Variants in DMD observed in about 807,000 individuals in gnomAD.
DMD encodes the protein dystrophin.
DMD carries 63 observed loss-of-function variants against 330.1 expected under a neutral mutation model. The observed-to-expected ratio is 0.19, with a 90% CI of 0.16 to 0.24. The LOEUF (loss-of-function observed/expected upper bound fraction) is 0.24, where lower values mean the gene tolerates loss of function less well. Ranked by LOEUF, DMD falls within the 10% of genes least tolerant of loss-of-function variation. The probability of loss-of-function intolerance (pLI) is 1.00; values close to 1 mark genes in which losing one functional copy is unlikely to be tolerated. For synonymous variants in DMD, 1,223 were observed against 959.8 expected (o/e 1.27, Z -5.07); for missense variants, 3,344 against 2,684.1 (o/e 1.25, Z -5.43).
chrX:32,895,185 T>C (rs1454975951), intron 2 of DMD, among the ~76,000 whole-genome samples: 1 of 112,023 alleles, frequency 8.9e-6, no homozygotes, highest in Non-Finnish European at 1.9e-5. Flanking sequence ...TATCGTCCCA[T>C]TGGGGGTTAG....
chrX:32,705,938 G>A (rs1472526916), intron 7 of DMD, among the ~76,000 whole-genome samples: 3 of 109,742 alleles, frequency 2.7e-5, no homozygotes, highest in Non-Finnish European at 3.8e-5. Flanking sequence ...TATGTTTACT[G>A]CAGCACTATT....
chrX:32,482,215 T>C (rs1303346809), intron 21 of DMD, among the ~76,000 whole-genome samples: 1 of 111,788 alleles, frequency 8.9e-6, no homozygotes, highest in Non-Finnish European at 1.9e-5. Context: ...CTAGATGCTG[T>C]GTTTCTATAT....
chrX:31,271,728 T>C (rs982373698), intron 62 of DMD, among the ~76,000 whole-genome samples: 1 of 111,861 alleles, frequency 8.9e-6, no homozygotes, highest in African/African-American at 3.3e-5. Context: ...AATGTCAGCA[T>C]TTGGGTATAC....
intron 43 of DMD, among the ~76,000 whole-genome samples, chrX:32,259,305 T>C (rs11795806): frequency 0.11 from 12,051 of 110,666 alleles, 677 homozygotes; most frequent in Admixed American, 0.16. Flanking sequence ...AAGTGTGAAA[T>C]ATTTTTCATT....
At chrX:32,832,642 T>G (rs2148904504) in intron 4 of DMD, among the ~76,000 whole-genome samples, 1 of 111,740 alleles carries the variant, frequency 8.9e-6, no homozygotes, top group Admixed American at 9.6e-5. Context: ...TTTAAAAAGA[T>G]AAAAAATACA....
At chrX:33,122,312 T>C (rs1004242552) in intron 1 of DMD, among the ~76,000 whole-genome samples, 15 of 112,943 alleles carry the variant, frequency 1.3e-4, no homozygotes, top group East Asian at 5.6e-4. Flanking sequence ...ACTGTCTACA[T>C]TAATGCACAC....
intron 53 of DMD, among the ~76,000 whole-genome samples, chrX:31,669,121 A>T (rs758050588): frequency 8.9e-6 from 1 of 111,927 alleles, no homozygotes; most frequent in African/African-American, 3.2e-5. Context: ...TTGGATATAT[A>T]CCCGGAAGTG....
chrX:31,890,956 T>C (rs780607351), intron 47 of DMD, among the ~76,000 whole-genome samples: 1 of 112,246 alleles, frequency 8.9e-6, no homozygotes, highest in African/African-American at 3.2e-5. Flanking sequence ...ATCTTTTCTA[T>C]GTGTAATATT....
chrX:32,476,492 G>C (rs1412912316), intron 21 of DMD, among the ~76,000 whole-genome samples: 1 of 110,842 alleles, frequency 9.0e-6, no homozygotes, highest in Non-Finnish European at 1.9e-5. Flanking sequence ...TAGTTTGTGA[G>C]GCAAGCTGGA....
intron 50 of DMD, among the ~76,000 whole-genome samples, chrX:31,784,242 C>T (rs751476382): frequency 1.3e-3 from 150 of 111,867 alleles, no homozygotes; most frequent in African/African-American, 4.8e-3. Context: ...TGAAAACATA[C>T]TCAACATCGT....
At chrX:31,492,207 T>C (rs1297957183) in intron 57 of DMD, among the ~76,000 whole-genome samples, 1 of 112,457 alleles carries the variant, frequency 8.9e-6, no homozygotes, top group Non-Finnish European at 1.9e-5. Context: ...AAAACAAAAG[T>C]CCACAAATAT....
chrX:32,515,094 T>A (rs1218107429), intron 18 of DMD, among the ~76,000 whole-genome samples: 1 of 111,199 alleles, frequency 9.0e-6, no homozygotes, highest in Non-Finnish European at 1.9e-5. Flanking sequence ...GTAGTGGGGG[T>A]ACAAAAGAGG....
chrX:31,348,589 C>T lies in DMD; in HGVS notation c.9130G>A (p.Asp3044Asn), dbSNP rs754722195. Residue 3044 changes from aspartate (D) to asparagine (N), a missense_variant, in exon 61 of 79, where the codon GAC (aspartate) becomes AAC (asparagine). Transcript: ENST00000357033. ...AAGTGCTGAGATGCTGGACCAAAGT[C>T]CCTGTGGGCTTCATGCAGCTGCCTG... ...RVRQLHEAHR[D>N]FGPASQHFLS... 1.7e-6 allele frequency: 2 copies of T among 1,209,677 alleles called. No individual in the cohort carries two copies. Among genetic ancestry groups the T allele is most frequent in the African/African-American group, 3.5e-5 (2 of 57,255 alleles).
intron 44 of DMD, among the ~76,000 whole-genome samples, chrX:31,992,449 T>C (rs1211834924): frequency 5.4e-5 from 6 of 111,793 alleles, no homozygotes; most frequent in Non-Finnish European, 1.1e-4. Flanking sequence ...CACTAGATGA[T>C]GATGCTACGT....
intron 1 of DMD, among the ~76,000 whole-genome samples, chrX:33,316,719 C>G (rs1003504587): frequency 9.9e-5 from 11 of 111,176 alleles, no homozygotes; most frequent in African/African-American, 3.6e-4. Context: ...GTCTTCATTA[C>G]TGTAGCTATA....
chrX:32,315,986 T>C (rs1418168001), intron 41 of DMD, among the ~76,000 whole-genome samples: 1 of 111,593 alleles, frequency 9.0e-6, no homozygotes, highest in Non-Finnish European at 1.9e-5. Context: ...TTACAAACTT[T>C]TAAATAATGA....
intron 9 of DMD, among the ~76,000 whole-genome samples, chrX:32,659,289 CTTTA>C (rs1455457120): frequency 2.7e-5 from 3 of 111,770 alleles, no homozygotes; most frequent in Admixed American, 9.5e-5. Context: ...TGTGCTTTCT[CTTTA>C]TTTATGTTAC....
intron 44 of DMD, among the ~76,000 whole-genome samples, chrX:32,006,959 A>G (rs1206420513): frequency 2.8e-5 from 3 of 105,867 alleles, no homozygotes; most frequent in Non-Finnish European, 3.9e-5. Flanking sequence ...TCAGTAAACT[A>G]TCGCAAGAAC....
chrX:32,650,411 T>C (rs1358984866), intron 9 of DMD, among the ~76,000 whole-genome samples: 1 of 111,653 alleles, frequency 9.0e-6, no homozygotes, highest in Non-Finnish European at 1.9e-5. Flanking sequence ...AATTTTTTGG[T>C]GTATTCTATA....
Sources: gnomAD v4.1 joint callset for allele counts (sites outside exome capture counted in the v4.1 genomes callset) on GRCh38, gnomAD v4.1.1 for gene constraint, MANE v1.5 for transcripts, NCBI Gene and HGNC (gene_info 2026-07-23, HGNC 2026-07-21) for gene names.